Variants in MGST1 observed in about 807,000 individuals in gnomAD.
MGST1 encodes microsomal glutathione S-transferase 1.
A neutral mutation model predicts 8.9 loss-of-function variants in MGST1; 5 were observed. The ratio of observed to expected loss-of-function variants is 0.56; its 90% confidence interval spans 0.29 to 1.19. MGST1 has a LOEUF of 1.19. MGST1 is among the 50% of genes most tolerant of loss of function. The pLI, the probability that MGST1 is intolerant of heterozygous loss-of-function variation, is 0.08. For missense variants in MGST1, 182 were observed against 187.4 expected (o/e 0.97, Z 0.17); for synonymous variants, 54 against 67.8 (o/e 0.80, Z 1.00).
chr12:16,515,111 A>G (rs1168755875), intron 4 of MGST1, among the ~76,000 whole-genome samples: 1 of 152,232 alleles, frequency 6.6e-6, no homozygotes, highest in Non-Finnish European at 1.5e-5. Flanking sequence ...CTGTCCTCTC[A>G]TCATGGAGCA....
At chr12:16,565,990 A>G (rs1942587018) in intron 4 of MGST1, among the ~76,000 whole-genome samples, 1 of 8,498 alleles carries the variant, frequency 1.2e-4, no homozygotes, top group South Asian at 2.7e-3. Flanking sequence ...TGCCATATAT[A>G]TATATATATA....
rs1388065873 is a variant in MGST1, at chr12:16,582,795, C to T, written n.483-6733C>T. 6.6e-6 allele frequency among the ~76,000 whole-genome samples: 1 copy of T among 152,168 alleles called. No homozygotes were observed. Among genetic ancestry groups the T allele is most frequent in the Non-Finnish European group, 1.5e-5 (1 of 68,034 alleles). On this transcript the variant is annotated intron_variant and non_coding_transcript_variant, in intron 4 of 4. Transcript: ENST00000538857. The surrounding 1 kb of genome is among the most constrained non-coding windows in gnomAD (Gnocchi z 4.1). ...GGGCACGGTGGCCCATGCCTGTAAT[C>T]CCAGCACTTTGGGAGGCCAAATTGA...
rs141362344 is a variant in MGST1, at chr12:16,570,468, TAAAG to T, written n.483-19056_483-19053del. Among the ~76,000 whole-genome samples the T allele has an allele frequency of 1.0e-3, 154 of 152,108 alleles. No homozygotes were observed. The Middle Eastern group carries it at 0.01, about 10-fold the overall frequency. Reference sequence around the variant, plus strand: ...TGAAATTTTCAACAGAAAAGAAAAATAAAGAAAATGAAAAGAAGCATTATAGGAA... The same window carrying T: ...TGAAATTTTCAACAGAAAAGAAAAATAAAATGAAAAGAAGCATTATAGGAA... On this transcript the variant is annotated intron_variant and non_coding_transcript_variant, in intron 4 of 4. Transcript: ENST00000538857.
At chr12:16,532,292 T>C (rs1477586915) in intron 4 of MGST1, among the ~76,000 whole-genome samples, 2 of 152,164 alleles carry the variant, frequency 1.3e-5, no homozygotes, top group African/African-American at 2.4e-5. Context: ...GTTTGCTTGC[T>C]TGGGGCATAA....
chr12:16,443,313 A>G (rs78288773), downstream of MGST1, among the ~76,000 whole-genome samples: 1,408 of 151,924 alleles, frequency 9.3e-3, 79 homozygotes, highest in East Asian at 0.17. Context: ...CTTGTGTTTT[A>G]GTAGGAATGT....
intron 4 of MGST1, among the ~76,000 whole-genome samples, chr12:16,570,143 A>T (rs1455885372): frequency 6.6e-6 from 1 of 152,148 alleles, no homozygotes; most frequent in Non-Finnish European, 1.5e-5. Flanking sequence ...GCTTTTAAGA[A>T]TTTTTTGTGA....
intron 4 of MGST1, among the ~76,000 whole-genome samples, chr12:16,509,725 G>A (rs1941564047): frequency 6.6e-6 from 1 of 152,252 alleles, no homozygotes; most frequent in Non-Finnish European, 1.5e-5. Context: ...AGTCAGTTTT[G>A]TCAACTATGT....
intron 1 of MGST1, chr12:16,402,445 G>T: frequency 6.2e-7 from 1 of 1,600,898 alleles, no homozygotes; most frequent in Non-Finnish European, 8.5e-7. Context: ...CTTCTCCTCG[G>T]GTTCTGAGAA....
Position 16,473,091 on chromosome 12 carries a change from C to A in MGST1, n.482+89487C>A, listed in dbSNP as rs566763987. On this transcript the variant is annotated intron_variant and non_coding_transcript_variant, in intron 4 of 4. Coordinates refer to the MGST1 transcript ENST00000538857. ...TTTTATCCATAATGCGACTTGATAACTTTTAAATCTGTTGGCCAGAATCTT... is the reference window on the plus strand; with the variant it reads ...TTTTATCCATAATGCGACTTGATAAATTTTAAATCTGTTGGCCAGAATCTT... 3.9e-5 allele frequency among the ~76,000 whole-genome samples: 6 copies of A among 152,274 alleles called. No homozygotes were observed. The South Asian group carries it at 1.2e-3, about 32-fold the overall frequency.
chr12:16,508,895 C>T (rs1349375700), intron 4 of MGST1, among the ~76,000 whole-genome samples: 1 of 152,068 alleles, frequency 6.6e-6, no homozygotes, highest in African/African-American at 2.4e-5. Context: ...TTAAGTTTAT[C>T]CCGAGTGTAA....
chr12:16,355,398 G>A (rs1939673207), intron 2 of MGST1, among the ~76,000 whole-genome samples: 1 of 151,952 alleles, frequency 6.6e-6, no homozygotes, highest in Admixed American at 6.6e-5. Flanking sequence ...TAGTAGAGAT[G>A]GGGTTTTGCC....
rs1184904896 is a variant in MGST1 at position 16,584,032 on chromosome 12, T to G, written n.483-5496T>G. Among the ~76,000 whole-genome samples, 1 of 152,192 alleles carries G rather than the reference T, an allele frequency of 6.6e-6. No homozygotes were observed. Among genetic ancestry groups the G allele is most frequent in the African/African-American group, 2.4e-5 (1 of 41,456 alleles). On this transcript the variant is annotated intron_variant and non_coding_transcript_variant, in intron 4 of 4. Transcript: ENST00000538857. This position sits in a 1 kb window ranked among gnomAD's most constrained non-coding sequence, Gnocchi z 5.2. ...AAGGAAAAGACACTGTATATAATTC[T>G]GGGATGGCAGGCTGATGTTCAGTAG...
At position 16,369,455 on chromosome 12, in the gene MGST1, A is replaced by T. The variant is rs1039104852; in HGVS notation, c.222-6667A>T. ...CTAAGGAATCTGGAAATTGGCTGAA[A>T]CTTGGCTGATTCAGAAAGATCTCAA... On this transcript the variant is annotated intron_variant, in intron 3 of 3. Transcript: ENST00000535309. This position sits in a 1 kb window ranked among gnomAD's most constrained non-coding sequence, Gnocchi z 4.8. Among the ~76,000 whole-genome samples, 3 of 152,016 alleles carry T rather than the reference A, an allele frequency of 2.0e-5. No individual in the cohort carries two copies. Among genetic ancestry groups the T allele is most frequent in the Non-Finnish European group, 4.4e-5 (3 of 67,996 alleles).
rs552748533 is a variant in MGST1 at position 16,513,623 on chromosome 12, A to G, written n.483-75905A>G. ...CACAACGGAAAGCCTTACAGCATCCACAAGGCAGAGGCCCAGATTGCAGCC... is the reference window on the plus strand; with the variant it reads ...CACAACGGAAAGCCTTACAGCATCCGCAAGGCAGAGGCCCAGATTGCAGCC... On this transcript the variant is annotated intron_variant and non_coding_transcript_variant, in intron 4 of 4. Coordinates refer to the MGST1 transcript ENST00000538857. This position sits in a 1 kb window ranked among gnomAD's most constrained non-coding sequence, Gnocchi z 4.2. 157 of 494,940 alleles carry G rather than the reference A, an allele frequency of 3.2e-4. 1 individual carries two copies. The highest frequency in any genetic ancestry group is 1.9e-3 in the South Asian group (125 of 65,384). The allele number at this position is 494,940 out of a possible 1,614,324, so 30.7% of individuals were successfully genotyped here.
intron 4 of MGST1, among the ~76,000 whole-genome samples, chr12:16,449,866 C>T (rs1444708354): frequency 6.6e-6 from 1 of 151,970 alleles, no homozygotes; most frequent in African/African-American, 2.4e-5. Context: ...AGGCAAATAG[C>T]TCTGCAGTTT....
intron 1 of MGST1, among the ~76,000 whole-genome samples, chr12:16,434,212 A>G (rs1940964175): frequency 6.6e-6 from 1 of 152,144 alleles, no homozygotes; most frequent in Admixed American, 6.6e-5. Context: ...GAATGGATGA[A>G]ATGATCACTG....
chr12:16,420,201 A>G (rs1304342651), intron 1 of MGST1, among the ~76,000 whole-genome samples: 3 of 152,150 alleles, frequency 2.0e-5, no homozygotes, highest in African/African-American at 7.2e-5. Flanking sequence ...AATTACACTC[A>G]GGAGCATTTT....
intron 3 of MGST1, chr12:16,360,263 G>C (rs1939928539): frequency 7.5e-6 from 6 of 796,176 alleles, no homozygotes; most frequent in Non-Finnish European, 8.9e-6. Flanking sequence ...CCATTTTTAA[G>C]TTAGACTTTT....
chr12:16,415,769 G>T (rs1397205771), intron 1 of MGST1, among the ~76,000 whole-genome samples: 7 of 152,156 alleles, frequency 4.6e-5, no homozygotes, highest in Admixed American at 4.6e-4. Flanking sequence ...ATTTCCAACT[G>T]TGTGTATGTG....
Sources: gnomAD v4.1 joint callset for allele counts (sites outside exome capture counted in the v4.1 genomes callset) on GRCh38, gnomAD v4.1.1 for gene constraint, Gnocchi (gnomAD v3.1) non-coding constraint, MANE v1.5 for transcripts, NCBI Gene and HGNC (gene_info 2026-07-23, HGNC 2026-07-21) for gene names.